ASH1L: variants seen among roughly 807,000 people sequenced by gnomAD.
The protein encoded by ASH1L is histone-lysine N-methyltransferase ASH1L.
In ASH1L, 23 loss-of-function variants were observed where a neutral mutation model predicts 269.0. The ratio of observed to expected loss-of-function variants is 0.09; its 90% CI spans 0.06 to 0.12. The LOEUF (loss-of-function observed/expected upper bound fraction) is 0.12. Ranked by LOEUF, ASH1L falls within the 10% of genes least tolerant of loss-of-function variation. The probability of loss-of-function intolerance (pLI) is 1.00; values close to 1 mark genes in which losing one functional copy is unlikely to be tolerated. For synonymous variants in ASH1L, 1,187 were observed against 1,253.5 expected (o/e 0.95, Z 1.12); for missense variants, 2,912 against 3,567.8 (o/e 0.82, Z 4.68).
intron 3 of ASH1L, among the ~76,000 whole-genome samples, chr1:155,471,274 C>T (rs996817299): frequency 3.3e-5 from 5 of 152,118 alleles, no homozygotes; most frequent in African/African-American, 1.2e-4. Flanking sequence ...TTTCAAAAAC[C>T]CTTGTAATTA....
Position 155,562,189 on chromosome 1 carries a change from G to A in ASH1L, c.-136C>T. 6.2e-7 allele frequency: 1 copy of A among 1,604,330 alleles called. No individual in the cohort carries two copies. The highest frequency in any genetic ancestry group is 8.5e-7 in the Non-Finnish European group (1 of 1,172,134). ...CCGAGGCCGAGGCCGAGAGCGATGAGAGTGCAGGGAAGTGGGGAAGAGGGG... is the reference window on the plus strand; with the variant it reads ...CCGAGGCCGAGGCCGAGAGCGATGAAAGTGCAGGGAAGTGGGGAAGAGGGG... On this transcript the variant is annotated 5_prime_UTR_variant, in exon 1 of 28. Coordinates refer to ENST00000392403, the MANE Select transcript of ASH1L (RefSeq NM_018489.3).
At chr1:155,410,206 A>G (rs1177203536) in intron 6 of ASH1L, among the ~76,000 whole-genome samples, 1 of 152,098 alleles carries the variant, frequency 6.6e-6, no homozygotes, top group African/African-American at 2.4e-5. Flanking sequence ...AACTCACTGC[A>G]GCCTCGGACC....
chr1:155,439,661 T>C (rs1041476177), intron 4 of ASH1L, among the ~76,000 whole-genome samples: 4 of 151,940 alleles, frequency 2.6e-5, no homozygotes, highest in East Asian at 3.9e-4. Context: ...TGCACTCTAA[T>C]CAGGACGACA....
At chr1:155,443,575 GTCCTT>G (rs920806509) in intron 4 of ASH1L, among the ~76,000 whole-genome samples, 1 of 152,150 alleles carries the variant, frequency 6.6e-6, no homozygotes, top group African/African-American at 2.4e-5. Flanking sequence ...GTTACTGTGT[GTCCTT>G]TCCAAGAAAA....
At chr1:155,376,269 C>T (rs1656433793) in intron 10 of ASH1L, among the ~76,000 whole-genome samples, 1 of 152,160 alleles carries the variant, frequency 6.6e-6, no homozygotes, top group African/African-American at 2.4e-5. Context: ...GGTAGAATTT[C>T]CCAACTGGCA....
chr1:155,523,931 T>G (rs1669060869), intron 1 of ASH1L, among the ~76,000 whole-genome samples: 1 of 152,224 alleles, frequency 6.6e-6, no homozygotes, highest in Non-Finnish European at 1.5e-5. Flanking sequence ...CAACAAATTT[T>G]GGCCGATTGG....
At chr1:155,538,641 CT>C (rs35340905) in intron 1 of ASH1L, among the ~76,000 whole-genome samples, 26,437 of 107,544 alleles carry the variant, frequency 0.25, 3,243 homozygotes, top group East Asian at 0.67. Context: ...TGTACCCAGC[CT>C]TTTTTTTTTT....
intron 5 of ASH1L, among the ~76,000 whole-genome samples, chr1:155,434,491 C>G (rs1661911058): frequency 6.9e-6 from 1 of 145,538 alleles, no homozygotes; most frequent in Non-Finnish European, 1.5e-5. Context: ...TTTTCTTAAG[C>G]CTGGGACACA....
At chr1:155,376,862 GA>G (rs561497651) in intron 10 of ASH1L, among the ~76,000 whole-genome samples, 1,861 of 132,344 alleles carry the variant, frequency 0.014, 15 homozygotes, top group South Asian at 0.03. Flanking sequence ...CTCAGAAAAA[GA>G]AAAAAAAAAA....
chr1:155,434,859 A>G (rs968715166), intron 5 of ASH1L, among the ~76,000 whole-genome samples: 6 of 152,052 alleles, frequency 3.9e-5, no homozygotes, highest in African/African-American at 1.5e-4. Context: ...TCAAAAAAAA[A>G]GAAAAAAAGA....
At chr1:155,555,325 G>T (rs140776940) in intron 1 of ASH1L, among the ~76,000 whole-genome samples, 1 of 150,294 alleles carries the variant, frequency 6.7e-6, no homozygotes, top group Non-Finnish European at 1.5e-5. Context: ...GGTGAAACCC[G>T]GTCTCTACTA....
chr1:155,562,104 G>T (rs764955491), intron 1 of ASH1L, 49 bp downstream of exon 1: 13 of 1,229,128 alleles, frequency 1.1e-5, no homozygotes, highest in Non-Finnish European at 1.4e-5. Flanking sequence ...GGATTCAATC[G>T]CTGAGAGAGT....
chr1:155,552,075 A>C (rs1410326509), intron 1 of ASH1L, among the ~76,000 whole-genome samples: 1 of 152,248 alleles, frequency 6.6e-6, no homozygotes, highest in Admixed American at 6.5e-5. Context: ...GAAAATGCCC[A>C]AATTATTAAG....
chr1:155,551,530 G>C (rs1450098460), intron 1 of ASH1L, among the ~76,000 whole-genome samples: 2 of 149,772 alleles, frequency 1.3e-5, no homozygotes, highest in Admixed American at 1.3e-4. Flanking sequence ...CGTAGTGGCG[G>C]GCGCCTGTAG....
rs1400049547 is a variant in ASH1L at position 155,480,152 on chromosome 1, A to C, written c.2718T>G (p.Pro906=). The C allele has an allele frequency of 6.2e-7, 1 of 1,614,170 alleles. No homozygotes were observed. The highest frequency in any genetic ancestry group is 1.1e-5 in the South Asian group (1 of 91,090). Residue 906 remains proline (P), a synonymous_variant, in exon 3 of 28, where the codon CCT becomes CCG. Transcript: ENST00000392403. ...QMRSPVKMKP[P]VLSVAPFVAT... Reference sequence around the variant, plus strand: ...CAACAAATGGAGCCACTGACAGTACAGGTGGCTTCATCTTGACTGGTGACC... The same window carrying C: ...CAACAAATGGAGCCACTGACAGTACCGGTGGCTTCATCTTGACTGGTGACC...
chr1:155,381,002 TATATG>T (rs980386396), intron 7 of ASH1L, among the ~76,000 whole-genome samples: 8 of 152,056 alleles, frequency 5.3e-5, no homozygotes, highest in African/African-American at 1.9e-4. Context: ...ATGGACTGCA[TATATG>T]ATGGTGGACC....
intron 2 of ASH1L, among the ~76,000 whole-genome samples, chr1:155,501,028 G>C (rs1447907811): frequency 6.6e-6 from 1 of 151,846 alleles, no homozygotes; most frequent in Non-Finnish European, 1.5e-5. Flanking sequence ...CAAAGAATTG[G>C]TTTAAAAAAT....
rs777553969 is a variant in ASH1L, at chr1:155,434,503, T to TAA, written c.5828+3822_5828+3823dup. On this transcript the variant is annotated intron_variant, in intron 5 of 27. Transcript: ENST00000392403. ...CTTTTTTCTTAAGCCTGGGACACAG[T>TAA]AAAAAAAAAAAAAAAAAAAAAAAAT... 6.1e-3 allele frequency among the ~76,000 whole-genome samples: 428 copies of TAA among 70,204 alleles called. 2 individuals carry two copies. The highest frequency in any genetic ancestry group is 0.011 in the Middle Eastern group (1 of 90). 46.1% of individuals were successfully genotyped at this position (70,204 alleles called of 152,430 possible). A position where few individuals can be genotyped will look rare whatever the true frequency, so the allele number is the denominator to read the frequency against.
chr1:155,463,246 C>T lies in ASH1L; in HGVS notation c.4985-3348G>A, dbSNP rs75320037. Reference sequence around the variant, plus strand: ...ACATAATGCAGAGCAGAGTCGAGTGCGATATCGTGTTCAGTACATGGACTA... The same window carrying T: ...ACATAATGCAGAGCAGAGTCGAGTGTGATATCGTGTTCAGTACATGGACTA... On this transcript the variant is annotated intron_variant, in intron 3 of 27. Coordinates refer to ENST00000392403, the MANE Select transcript of ASH1L (RefSeq NM_018489.3). Among the ~76,000 whole-genome samples the T allele has an allele frequency of 1.1e-3, 174 of 152,100 alleles. 5 individuals are homozygous for T. The East Asian group carries it at 0.031, about 27-fold the overall frequency.
Sources: allele counts gnomAD v4.1 joint callset (sites outside exome capture counted in the v4.1 genomes callset), GRCh38; gene constraint gnomAD v4.1.1; transcripts MANE v1.5; gene names NCBI Gene and HGNC (gene_info 2026-07-23, HGNC 2026-07-21).